CELF4: variants seen among roughly 807,000 people sequenced by gnomAD.
The protein encoded by CELF4 is CUGBP Elav-like family member 4.
A neutral mutation model predicts 59.9 loss-of-function variants in CELF4; 18 were observed. The ratio of observed to expected loss-of-function variants is 0.30; its 90% CI spans 0.21 to 0.45. CELF4 has a LOEUF of 0.45. Ranked by LOEUF, CELF4 falls within the 20% of genes least tolerant of loss-of-function variation. The probability of loss-of-function intolerance (pLI) is 1.00; values close to 1 mark genes in which losing one functional copy is unlikely to be tolerated. For missense variants in CELF4, 456 were observed against 689.0 expected, an observed-to-expected ratio of 0.66 and a Z score of 3.79; for synonymous variants, 261 against 267.1, an observed-to-expected ratio of 0.98 and a Z score of 0.22.
chr18:37,331,447 T>C (rs1025148501), intron 2 of CELF4, among the ~76,000 whole-genome samples: 12 of 151,974 alleles, frequency 7.9e-5, no homozygotes, highest in African/African-American at 2.7e-4. Context: ...GAGGGGAAGG[T>C]CGCTGAGAAG....
chr18:37,513,999 G>A (rs1271549179), intron 1 of CELF4, among the ~76,000 whole-genome samples: 1 of 150,934 alleles, frequency 6.6e-6, no homozygotes, highest in Non-Finnish European at 1.5e-5. Context: ...TTCTGACAGA[G>A]GTGTGGGATG....
chr18:37,455,042 A>C (rs2099774421), intron 2 of CELF4, among the ~76,000 whole-genome samples: 1 of 152,192 alleles, frequency 6.6e-6, no homozygotes, highest in African/African-American at 2.4e-5. Context: ...TGCATTGCTA[A>C]GTGGCACTTT....
chr18:37,356,893 C>A (rs1027092260), intron 2 of CELF4, among the ~76,000 whole-genome samples: 8 of 152,154 alleles, frequency 5.3e-5, no homozygotes, highest in African/African-American at 1.9e-4. Flanking sequence ...ATGCCCCACA[C>A]TTCTCTGCAG....
At chr18:37,251,461 G>A (rs58298238) in intron 12 of CELF4, among the ~76,000 whole-genome samples, 1 of 152,030 alleles carries the variant, frequency 6.6e-6, no homozygotes, top group Non-Finnish European at 1.5e-5. Flanking sequence ...TTTTATCCTG[G>A]CTTGAGCCAA....
At chr18:37,400,342 A>G (rs1475226949) in intron 2 of CELF4, among the ~76,000 whole-genome samples, 1 of 152,218 alleles carries the variant, frequency 6.6e-6, no homozygotes, top group African/African-American at 2.4e-5. Flanking sequence ...GTGTGTATGT[A>G]TATATATGTA....
intron 2 of CELF4, among the ~76,000 whole-genome samples, chr18:37,474,670 G>A (rs1363769740): frequency 6.6e-6 from 1 of 152,262 alleles, no homozygotes; most frequent in East Asian, 1.9e-4. Context: ...GATAATATTT[G>A]TGAAGTGTCT....
chr18:37,384,315 G>C (rs1008505318), intron 2 of CELF4, among the ~76,000 whole-genome samples: 1 of 152,154 alleles, frequency 6.6e-6, no homozygotes, highest in East Asian at 1.9e-4. Flanking sequence ...ACCCAGTCGG[G>C]TTGTGCTAAT....
At chr18:37,267,050 T>C (rs901872181) in intron 8 of CELF4, among the ~76,000 whole-genome samples, 3 of 152,154 alleles carry the variant, frequency 2.0e-5, no homozygotes, top group African/African-American at 2.4e-5. Context: ...CACTACCACT[T>C]TGTCCTCCTG....
chr18:37,428,331 G>A (rs1249847866), intron 2 of CELF4, among the ~76,000 whole-genome samples: 1 of 152,044 alleles, frequency 6.6e-6, no homozygotes, highest in Non-Finnish European at 1.5e-5. Flanking sequence ...ACTGGAGCTT[G>A]AACCTGACCG....
At chr18:37,402,303 G>A (rs576302087) in intron 2 of CELF4, among the ~76,000 whole-genome samples, 2 of 152,320 alleles carry the variant, frequency 1.3e-5, no homozygotes, top group South Asian at 4.1e-4. Context: ...GCCCACATGG[G>A]AGAAGAGGCA....
intron 2 of CELF4, among the ~76,000 whole-genome samples, chr18:37,386,989 C>T (rs567306041): frequency 6.6e-6 from 1 of 152,318 alleles, no homozygotes; most frequent in East Asian, 1.9e-4. Context: ...CTCACTGGTC[C>T]TGGGGCTCTC....
chr18:37,372,363 G>A (rs986883448), intron 2 of CELF4, among the ~76,000 whole-genome samples: 1 of 152,132 alleles, frequency 6.6e-6, no homozygotes, highest in Non-Finnish European at 1.5e-5. Context: ...CCATCATTCT[G>A]AGCAAACTAT....
intron 1 of CELF4, among the ~76,000 whole-genome samples, chr18:37,512,068 C>T (rs1342061096): frequency 2.6e-5 from 4 of 152,198 alleles, no homozygotes; most frequent in Admixed American, 2.6e-4. Context: ...TCCTTGGCAA[C>T]AAAGCAGCAG....
chr18:37,426,218 G>C (rs1338037553), intron 2 of CELF4, among the ~76,000 whole-genome samples: 1 of 152,192 alleles, frequency 6.6e-6, no homozygotes, highest in African/African-American at 2.4e-5. Context: ...AACTGGGCAG[G>C]GGGAAGAATA....
rs112469254 is a variant in CELF4 at position 37,310,409 on chromosome 18, T to C, written c.448+11394A>G. Among the ~76,000 whole-genome samples the C allele has an allele frequency of 2.9e-3, 443 of 152,330 alleles. 4 individuals carry two copies. The highest frequency in any genetic ancestry group is 0.01 in the African/African-American group (419 of 41,586). ...CCAAAAGCTTTAGATGGCTTCCCTT[T>C]ACCTAAATGTATCCATTTAAAGCAG... On this transcript the variant is annotated intron_variant, in intron 3 of 12. Transcript: ENST00000420428.
At chr18:37,485,784 T>C (rs1240242608) in intron 1 of CELF4, 177 bp from the exon 2 acceptor site, 1 of 389,936 alleles carries the variant, frequency 2.6e-6, no homozygotes, top group Non-Finnish European at 4.5e-6. Context: ...TGTTCCCGGC[T>C]GTCTGCCTCT....
rs551566178 is a variant in CELF4 at position 37,271,641 on chromosome 18, G to A, written c.950-724C>T. Among the ~76,000 whole-genome samples, 4 of 152,306 alleles carry A rather than the reference G, an allele frequency of 2.6e-5. No individual in the cohort carries two copies. In the South Asian group the frequency reaches 6.2e-4, roughly 24 times the overall value. ...TACTTGGTCATTGGGGGGCTGATAT[G>A]CCTCTCCAGGAGGAAGTTTTTCTGC... is the stretch of plus-strand genomic sequence containing the variant. On this transcript the variant is annotated intron_variant, in intron 7 of 12. Transcript: ENST00000420428.
In CELF4 at chr18:37,245,661, C is replaced by T. The variant is rs1262936496; in HGVS notation, c.*45-464G>A. Among the ~76,000 whole-genome samples, 3 of 152,168 alleles carry T rather than the reference C, an allele frequency of 2.0e-5. No homozygotes were observed. Among genetic ancestry groups the T allele is most frequent in the Non-Finnish European group, 4.4e-5 (3 of 68,022 alleles). On this transcript the variant is annotated intron_variant, in intron 12 of 12. Coordinates refer to ENST00000420428, the MANE Select transcript of CELF4 (RefSeq NM_020180.4). The surrounding 1 kb of genome is among the most constrained non-coding windows in gnomAD (Gnocchi z 4.1). The stretch of plus-strand genomic sequence containing the variant: ...CAGCTCAAGGGAAAGAAGGAAGACA[C>T]ATCCGTGACTCAAATTTTGTAGAAT...
At chr18:37,504,324 C>G (rs964874653) in intron 1 of CELF4, among the ~76,000 whole-genome samples, 1 of 152,004 alleles carries the variant, frequency 6.6e-6, no homozygotes, top group Non-Finnish European at 1.5e-5. Flanking sequence ...AACCCCGTCT[C>G]TACTAAAAAT....
Sources: allele counts gnomAD v4.1 joint callset (sites outside exome capture counted in the v4.1 genomes callset), GRCh38; gene constraint gnomAD v4.1.1; non-coding constraint Gnocchi (gnomAD v3.1); transcripts MANE v1.5; gene names NCBI Gene and HGNC (gene_info 2026-07-23, HGNC 2026-07-21).